NUP155: variants seen among roughly 807,000 people sequenced by gnomAD.
NUP155 encodes the protein nucleoporin 155, also known as nuclear pore complex protein Nup155.
In NUP155, 71 loss-of-function variants were observed where a neutral mutation model predicts 180.4. That is an observed-to-expected ratio of 0.39 (90% CI 0.33 to 0.48). The LOEUF (loss-of-function observed/expected upper bound fraction) is 0.48. NUP155 is among the 20% of genes least tolerant of loss of function. The pLI, the probability that NUP155 is intolerant of heterozygous loss-of-function variation, is 0.91. For missense variants in NUP155, 1,553 were observed against 1,648.9 expected, an observed-to-expected ratio of 0.94 and a Z score of 1.01; for synonymous variants, 582 against 559.5, an observed-to-expected ratio of 1.04 and a Z score of -0.57.
intron 33 of NUP155, 62 bp downstream of exon 33, chr5:37,294,267 T>C (rs1322515228): frequency 3.4e-6 from 4 of 1,172,880 alleles, no homozygotes; most frequent in Non-Finnish European, 4.9e-6. Flanking sequence ...TACCCCACTC[T>C]ATATCTACAA....
At chr5:37,365,810 A>C (rs217848) in intron 1 of NUP155, among the ~76,000 whole-genome samples, 116,357 of 119,944 alleles carry the variant, frequency 0.97, 56,638 homozygotes, top group Non-Finnish European at 1. Context: ...TACTATGTAC[A>C]CACAAAATTA....
chr5:37,315,835 C>T (rs915287429), intron 21 of NUP155, among the ~76,000 whole-genome samples: 3 of 152,100 alleles, frequency 2.0e-5, no homozygotes, highest in Admixed American at 6.6e-5. Context: ...CACAGCTACT[C>T]GGGAGGCTGA....
At chr5:37,306,847 A>G (rs1743184600) in intron 25 of NUP155, among the ~76,000 whole-genome samples, 1 of 152,048 alleles carries the variant, frequency 6.6e-6, no homozygotes, top group Non-Finnish European at 1.5e-5. Flanking sequence ...TTTAAAATGA[A>G]ATCCTACTGG....
chr5:37,361,339 G>GA (rs1041918077), intron 3 of NUP155, among the ~76,000 whole-genome samples: 6 of 149,728 alleles, frequency 4.0e-5, no homozygotes, highest in East Asian at 2.0e-4. Context: ...GATAACAGCT[G>GA]AAAAAAATTC....
intron 9 of NUP155, among the ~76,000 whole-genome samples, chr5:37,347,367 T>C (rs775782015): frequency 5.6e-4 from 86 of 152,270 alleles, no homozygotes; most frequent in Non-Finnish European, 8.8e-4. Flanking sequence ...GTAAAACCAG[T>C]CTACCTTATA....
chr5:37,293,011 T>A, intron 33 of NUP155, 26 bp from the exon 34 acceptor site: 1 of 1,415,466 alleles, frequency 7.1e-7, no homozygotes. Context: ...CATAATGAAA[T>A]GTGAGGCAAA....
chr5:37,347,912 G>A (rs1036443257), intron 9 of NUP155, among the ~76,000 whole-genome samples: 3 of 151,814 alleles, frequency 2.0e-5, no homozygotes, highest in Non-Finnish European at 4.4e-5. Flanking sequence ...TGAGGCGGGC[G>A]GATCACGAGG....
chr5:37,352,700 A>G, intron 5 of NUP155, 37 bp downstream of exon 5: 1 of 1,386,612 alleles, frequency 7.2e-7, no homozygotes, highest in Non-Finnish European at 1.0e-6. Context: ...CCAAAATACT[A>G]TTATTTTAAA....
intron 4 of NUP155, among the ~76,000 whole-genome samples, 187 bp downstream of exon 4, chr5:37,357,894 G>A (rs1338036189): frequency 2.6e-5 from 4 of 152,172 alleles, no homozygotes; most frequent in East Asian, 3.9e-4. Flanking sequence ...TCGGGAGGCT[G>A]AGGCAGGAGA....
At chr5:37,312,142 A>G (rs1050210115) in intron 22 of NUP155, among the ~76,000 whole-genome samples, 1 of 152,234 alleles carries the variant, frequency 6.6e-6, no homozygotes, top group Non-Finnish European at 1.5e-5. Context: ...GAATTCCACA[A>G]TGGCAGTATT....
intron 24 of NUP155, 99 bp from the exon 25 acceptor site, chr5:37,307,531 CTACTG>C: frequency 8.8e-7 from 1 of 1,135,782 alleles, no homozygotes; most frequent in South Asian, 1.3e-5. Flanking sequence ...GGTTATGTCT[CTACTG>C]TACAATAGTC....
At chr5:37,296,435 G>C (rs1042087652) in intron 32 of NUP155, among the ~76,000 whole-genome samples, 1 of 152,002 alleles carries the variant, frequency 6.6e-6, no homozygotes, top group African/African-American at 2.4e-5. Flanking sequence ...AATGGATTAA[G>C]GGCGGTGCAA....
At chr5:37,350,908 A>ATATGTG (rs969389866) in intron 6 of NUP155, among the ~76,000 whole-genome samples, 3 of 151,772 alleles carry the variant, frequency 2.0e-5, no homozygotes, top group African/African-American at 4.8e-5. Flanking sequence ...TTGTATTTGT[A>ATATGTG]TATGTGTATA....
rs760209094 is a variant in NUP155, at chr5:37,364,368, A to G, written c.174T>C (p.Ser58=). 1.2e-6 allele frequency: 2 copies of G among 1,612,212 alleles called. No individual in the cohort carries two copies. Among genetic ancestry groups the G allele is most frequent in the Non-Finnish European group, 1.7e-6 (2 of 1,178,220 alleles). The change falls in exon 2 of 35, where the codon TCT becomes TCC. Residue 58 remains serine, a synonymous_variant. Coordinates refer to ENST00000231498, the MANE Select transcript of NUP155 (RefSeq NM_153485.3). The part of the protein sequence containing the change: ...MVSAPNNPTV[S]GMSDMDYPLQ... ...AAGGATAATCCATATCTGACATGCCAGAAACGGTGGGATTATCTACAAAAA... is the reference window on the plus strand; with the variant it reads ...AAGGATAATCCATATCTGACATGCCGGAAACGGTGGGATTATCTACAAAAA...
chr5:37,359,635 T>G (rs1222823614), intron 3 of NUP155, among the ~76,000 whole-genome samples: 2 of 152,126 alleles, frequency 1.3e-5, no homozygotes, highest in Non-Finnish European at 2.9e-5. Flanking sequence ...TAAATACCAC[T>G]TGCTACTTAC....
intron 22 of NUP155, among the ~76,000 whole-genome samples, chr5:37,311,473 C>T (rs1404305834): frequency 6.6e-6 from 1 of 151,884 alleles, no homozygotes; most frequent in East Asian, 1.9e-4. Flanking sequence ...AATATATTAG[C>T]TTGAATTTTT....
At chr5:37,370,160 C>T (rs957935861) in intron 1 of NUP155, among the ~76,000 whole-genome samples, 3 of 152,122 alleles carry the variant, frequency 2.0e-5, no homozygotes, top group Non-Finnish European at 4.4e-5. Flanking sequence ...CACTTGAGGT[C>T]AGAGTTCGTG....
At chr5:37,328,530 G>A in intron 16 of NUP155, 110 bp from the exon 17 acceptor site, 1 of 772,732 alleles carries the variant, frequency 1.3e-6, no homozygotes, top group Non-Finnish European at 2.2e-6. Flanking sequence ...TTGAGGCAGG[G>A]TCTCTTTCTG....
chr5:37,354,457 CTTT>C (rs34505360), intron 4 of NUP155, among the ~76,000 whole-genome samples: 294 of 114,988 alleles, frequency 2.6e-3, no homozygotes, highest in African/African-American at 8.4e-3. Flanking sequence ...TTTATTTCTT[CTTT>C]TTTTTTTTTT....
Sources: gnomAD v4.1 joint callset for allele counts (sites outside exome capture counted in the v4.1 genomes callset) on GRCh38, gnomAD v4.1.1 for gene constraint, MANE v1.5 for transcripts, NCBI Gene and HGNC (gene_info 2026-07-23, HGNC 2026-07-21) for gene names.